Variants in CAMK4 observed in about 807,000 individuals in gnomAD.
CAMK4 encodes the protein calcium/calmodulin dependent protein kinase IV, also known as calcium/calmodulin-dependent protein kinase type IV.
A neutral mutation model predicts 44.9 loss-of-function variants in CAMK4; 22 were observed. That is an observed-to-expected ratio of 0.49 (90% CI 0.35 to 0.70). The LOEUF is 0.70. Ranked by LOEUF, CAMK4 falls within the 30% of genes least tolerant of loss-of-function variation. CAMK4 has a pLI of 0.01. For synonymous variants in CAMK4, 218 were observed against 215.4 expected, an observed-to-expected ratio of 1.01 and a Z score of -0.11; for missense variants, 498 against 586.8, an observed-to-expected ratio of 0.85 and a Z score of 1.56.
intron 8 of CAMK4, among the ~76,000 whole-genome samples, chr5:111,476,486 C>G (rs1434364718): frequency 1.3e-5 from 2 of 151,942 alleles, no homozygotes; most frequent in African/African-American, 2.4e-5. Context: ...ACCATGCTGG[C>G]CAGCCTGGTC....
chr5:111,254,314 T>C (rs902960470), intron 1 of CAMK4, among the ~76,000 whole-genome samples: 9 of 152,196 alleles, frequency 5.9e-5, no homozygotes, highest in Non-Finnish European at 1.3e-4. Flanking sequence ...GGGAAGTCAC[T>C]GTGGACAAGA....
intron 1 of CAMK4, among the ~76,000 whole-genome samples, chr5:111,258,852 C>G (rs1402767644): frequency 6.7e-6 from 1 of 149,722 alleles, no homozygotes; most frequent in Non-Finnish European, 1.5e-5. Context: ...TAAGAAAAAT[C>G]CAAAAAGATA....
At chr5:111,362,894 T>C (rs1473780113) in intron 2 of CAMK4, among the ~76,000 whole-genome samples, 1 of 152,096 alleles carries the variant, frequency 6.6e-6, no homozygotes, top group East Asian at 1.9e-4. Flanking sequence ...TGAGAATGGA[T>C]AGTACATTCC....
At chr5:111,411,990 TAATCACCAGCTTGA>T (rs1221035128) in intron 5 of CAMK4, among the ~76,000 whole-genome samples, 2 of 152,186 alleles carry the variant, frequency 1.3e-5, no homozygotes, top group African/African-American at 4.8e-5. Context: ...AAGAAGTTAT[TAATCACCAGCTTGA>T]AATAAAAATA....
Position 111,350,327 on chromosome 5 carries a change from A to C in CAMK4, c.240+6225A>C, listed in dbSNP as rs57714585. The stretch of plus-strand genomic sequence containing the variant: ...CATTCTATATAATTTTAATGTTCTC[A>C]TTAGCTTGATTTAAAGTCAAACAGT... On this transcript the variant is annotated intron_variant, in intron 2 of 10. Coordinates refer to ENST00000282356, the MANE Select transcript of CAMK4 (RefSeq NM_001744.6). Among the ~76,000 whole-genome samples, 437 of 152,192 alleles carry C rather than the reference A, an allele frequency of 2.9e-3. 3 individuals are homozygous for C. Among genetic ancestry groups the C allele is most frequent in the African/African-American group, 0.01 (426 of 41,568 alleles).
At chr5:111,241,544 A>T (rs531626210) in intron 1 of CAMK4, among the ~76,000 whole-genome samples, 2 of 152,156 alleles carry the variant, frequency 1.3e-5, no homozygotes, top group Admixed American at 1.3e-4. Flanking sequence ...TTCTTACTCT[A>T]TCTAGTCTTT....
chr5:111,246,182 T>C (rs1268626654), intron 1 of CAMK4, among the ~76,000 whole-genome samples: 1 of 152,234 alleles, frequency 6.6e-6, no homozygotes, highest in Non-Finnish European at 1.5e-5. Context: ...TTCACATAAA[T>C]GTATTTGTAC....
intron 1 of CAMK4, among the ~76,000 whole-genome samples, chr5:111,273,677 T>C (rs1413351567): frequency 9.7e-5 from 4 of 41,128 alleles, no homozygotes; most frequent in Non-Finnish European, 2.2e-4. Flanking sequence ...AAAAATGCAT[T>C]TATATATATA....
intron 2 of CAMK4, among the ~76,000 whole-genome samples, chr5:111,373,274 T>A (rs1209696797): frequency 6.6e-6 from 1 of 151,998 alleles, no homozygotes; most frequent in Admixed American, 6.6e-5. Flanking sequence ...TCTGGAGAAA[T>A]CTCTCATTGG....
intron 5 of CAMK4, among the ~76,000 whole-genome samples, chr5:111,428,777 GA>G (rs1160795672): frequency 6.6e-6 from 1 of 152,124 alleles, no homozygotes; most frequent in Non-Finnish European, 1.5e-5. Flanking sequence ...TAGAGAAAGA[GA>G]TATGGGTAGA....
intron 4 of CAMK4, among the ~76,000 whole-genome samples, chr5:111,380,472 C>G (rs1751373087): frequency 6.6e-6 from 1 of 152,070 alleles, no homozygotes; most frequent in Non-Finnish European, 1.5e-5. Context: ...ATCTAATATC[C>G]ACTAATCCAT....
chr5:111,275,117 T>C (rs1454492933), intron 1 of CAMK4, among the ~76,000 whole-genome samples: 1 of 152,308 alleles, frequency 6.6e-6, no homozygotes, highest in Admixed American at 6.5e-5. Flanking sequence ...CACATACTTA[T>C]CAGTTCTTTC....
intron 1 of CAMK4, among the ~76,000 whole-genome samples, chr5:111,330,515 T>C (rs1440827626): frequency 1.4e-5 from 2 of 145,104 alleles, no homozygotes; most frequent in Non-Finnish European, 3.0e-5. Context: ...GTTGTTGTTG[T>C]TTGGTAAACA....
At chr5:111,282,560 G>C (rs1751068482) in intron 1 of CAMK4, among the ~76,000 whole-genome samples, 1 of 152,076 alleles carries the variant, frequency 6.6e-6, no homozygotes, top group African/African-American at 2.4e-5. Flanking sequence ...ATTAATTTCT[G>C]TAATTAGCTT....
intron 5 of CAMK4, among the ~76,000 whole-genome samples, chr5:111,414,796 A>G (rs747503872): frequency 7.9e-5 from 12 of 152,174 alleles, no homozygotes; most frequent in Non-Finnish European, 1.6e-4. Flanking sequence ...TTTAATAACT[A>G]GGAATAAATT....
At chr5:111,363,586 C>T (rs1044190504) in intron 2 of CAMK4, among the ~76,000 whole-genome samples, 4 of 151,840 alleles carry the variant, frequency 2.6e-5, no homozygotes, top group African/African-American at 9.7e-5. Context: ...TATGACTCAC[C>T]GTGTGTGTAT....
At chr5:111,240,014 G>A (rs1315071535) in intron 1 of CAMK4, among the ~76,000 whole-genome samples, 1 of 152,140 alleles carries the variant, frequency 6.6e-6, no homozygotes, top group Non-Finnish European at 1.5e-5. Context: ...TAGTATAACC[G>A]TAAGATTTTC....
chr5:111,299,970 C>T (rs993786535), intron 1 of CAMK4, among the ~76,000 whole-genome samples: 1 of 152,176 alleles, frequency 6.6e-6, no homozygotes, highest in Non-Finnish European at 1.5e-5. Context: ...CCTCCCTAAG[C>T]AAGCCAGCAA....
chr5:111,435,850 A>G (rs866903408), intron 5 of CAMK4, among the ~76,000 whole-genome samples: 4 of 152,190 alleles, frequency 2.6e-5, no homozygotes, highest in African/African-American at 4.8e-5. Context: ...AGAGAATGTC[A>G]TAATCATGTT....
Sources: gnomAD v4.1 joint callset for allele counts (sites outside exome capture counted in the v4.1 genomes callset) on GRCh38, gnomAD v4.1.1 for gene constraint, MANE v1.5 for transcripts, NCBI Gene and HGNC (gene_info 2026-07-23, HGNC 2026-07-21) for gene names.